AP2S1: variants seen among roughly 807,000 people sequenced by gnomAD.
The protein encoded by AP2S1 is AP-2 complex subunit sigma.
Under a neutral mutation model 21.0 loss-of-function variants are expected in AP2S1, and 6 were observed. That is an observed-to-expected ratio of 0.29 (90% CI 0.16 to 0.56). AP2S1 has a LOEUF of 0.56. Among genes scored for constraint, AP2S1 ranks in the 20% least tolerant of loss-of-function variants. The pLI, the probability that AP2S1 is intolerant of heterozygous loss-of-function variation, is 0.92. For missense variants in AP2S1, 60 were observed against 186.2 expected (o/e 0.32, Z 3.95); for synonymous variants, 63 against 74.6 (o/e 0.84, Z 0.80).
At chr19:46,843,351 A>G (rs1183792167) in intron 2 of AP2S1, among the ~76,000 whole-genome samples, 2 of 152,182 alleles carry the variant, frequency 1.3e-5, no homozygotes, top group Non-Finnish European at 2.9e-5. Context: ...AAGTCGGCCA[A>G]TGGCCATGCT....
intron 3 of AP2S1, among the ~76,000 whole-genome samples, 170 bp downstream of exon 3, chr19:46,839,295 A>AG (rs2055469493): frequency 2.1e-5 from 1 of 46,976 alleles, no homozygotes; most frequent in Non-Finnish European, 4.2e-5. Context: ...TCAAAAAAAA[A>AG]AAAAAAAAAA....
chr19:46,845,253 A>G lies in AP2S1; in HGVS notation c.153+740T>C, dbSNP rs1374055834. Among the ~76,000 whole-genome samples, 3 of 151,470 alleles carry G rather than the reference A, an allele frequency of 2.0e-5. No individual in the cohort carries two copies. The East Asian group carries it at 5.8e-4, about 29-fold the overall frequency. On this transcript the variant is annotated intron_variant, in intron 2 of 4. Coordinates refer to ENST00000263270, the MANE Select transcript of AP2S1 (RefSeq NM_004069.6). ...GAAACCTCGTCTCTACCAAAAATAC[A>G]AAATTAGCCTGGTGTTGTGGTGCAC... is the stretch of plus-strand genomic sequence containing the variant.
Position 46,846,224 on chromosome 19 carries a change from AC to A in AP2S1, c.4-83del, listed in dbSNP as rs923682742. The stretch of plus-strand genomic sequence containing the variant: ...TGCTGCCCAACGGCCCCACCCATCC[AC>A]CCAGAGGGGAGATAGGGCTCAGGGC... On this transcript the variant is annotated intron_variant, in intron 1 of 4. Coordinates refer to ENST00000263270, the MANE Select transcript of AP2S1 (RefSeq NM_004069.6). 1.9e-6 allele frequency: 3 copies of A among 1,551,426 alleles called. No individual in the cohort carries two copies. The African/African-American group carries it at 4.1e-5, about 21-fold the overall frequency.
intron 3 of AP2S1, 41 bp downstream of exon 3, chr19:46,839,424 G>GA: frequency 6.0e-6 from 9 of 1,504,484 alleles, no homozygotes; most frequent in South Asian, 3.4e-5. Flanking sequence ...CTCCAGGGCT[G>GA]CCCACCCGCC....
chr19:46,840,602 T>C (rs1303822009), intron 2 of AP2S1, among the ~76,000 whole-genome samples: 2 of 151,518 alleles, frequency 1.3e-5, no homozygotes, highest in Admixed American at 6.6e-5. Context: ...TTCCCATCAC[T>C]GCACTCCAGC....
intron 2 of AP2S1, 61 bp from the exon 3 acceptor site, chr19:46,839,639 T>C (rs2055481636): frequency 6.2e-7 from 1 of 1,611,232 alleles, no homozygotes; most frequent in African/African-American, 1.3e-5. Flanking sequence ...CCAGACAGAG[T>C]GGGGCCAAAA....
intron 2 of AP2S1, among the ~76,000 whole-genome samples, chr19:46,840,367 C>CAT (rs1555748943): frequency 2.0e-5 from 2 of 100,426 alleles, no homozygotes; most frequent in African/African-American, 7.2e-5. Flanking sequence ...AGGTTCATTA[C>CAT]AAAAAAAAAA....
intron 2 of AP2S1, 74 bp from the exon 3 acceptor site, chr19:46,839,652 T>C (rs773003539): frequency 1.2e-6 from 2 of 1,602,258 alleles, no homozygotes; most frequent in Admixed American, 3.4e-5. Context: ...GGCCAAAACA[T>C]TCACTCCTTC....
At position 46,838,907 on chromosome 19, in the gene AP2S1, G is replaced by C. The variant is rs1185899559; in HGVS notation, c.268-108C>G. The C allele has an allele frequency of 2.2e-6, 2 of 896,176 alleles. No individual in the cohort carries two copies. The highest frequency in any genetic ancestry group is 3.6e-6 in the Non-Finnish European group (2 of 560,148). The allele number at this position is 896,176 out of a possible 1,614,324, so 55.5% of individuals were successfully genotyped here. The stretch of plus-strand genomic sequence containing the variant: ...AGAGACAGCAAAAAAAGAGACCAAG[G>C]GGGAGGCAGGGGAGAGAGAGAGACA... On this transcript the variant is annotated intron_variant, in intron 3 of 4. Transcript: ENST00000263270. The surrounding 1 kb of genome is among the most constrained non-coding windows in gnomAD (Gnocchi z 4.1).
At chr19:46,841,906 C>T (rs953516995) in intron 2 of AP2S1, among the ~76,000 whole-genome samples, 4 of 152,116 alleles carry the variant, frequency 2.6e-5, no homozygotes, top group Admixed American at 6.6e-5. Context: ...AGAGATTGGA[C>T]GACGGCCAGG....
intron 1 of AP2S1, 120 bp downstream of exon 1, chr19:46,850,644 C>T (rs748955699): frequency 1.0e-5 from 10 of 972,084 alleles, no homozygotes; most frequent in South Asian, 2.8e-5. Context: ...ATCCCCAGAG[C>T]CCGCGCCTGA....
intron 3 of AP2S1, among the ~76,000 whole-genome samples, chr19:46,839,195 G>A: frequency 7.0e-6 from 1 of 143,170 alleles, no homozygotes; most frequent in Non-Finnish European, 1.5e-5. Context: ...GCTGAGGCAG[G>A]AGAATCACTT....
intron 2 of AP2S1, chr19:46,845,668 C>A (rs544182127): frequency 4.9e-5 from 9 of 183,106 alleles, no homozygotes; most frequent in South Asian, 1.7e-4. Flanking sequence ...AAAAAAAATT[C>A]TTTTTTAATC....
chr19:46,849,299 C>A (rs1359331747), intron 1 of AP2S1, among the ~76,000 whole-genome samples: 1 of 150,716 alleles, frequency 6.6e-6, no homozygotes, highest in African/African-American at 2.4e-5. Context: ...AGTCACCGCC[C>A]CAGCCTGAGA....
intron 1 of AP2S1, among the ~76,000 whole-genome samples, chr19:46,846,507 C>T (rs1163814884): frequency 1.4e-5 from 2 of 142,672 alleles, no homozygotes; most frequent in Non-Finnish European, 3.0e-5. Context: ...AACTCCTGGA[C>T]TCAAGCAATT....
Position 46,838,899 on chromosome 19 carries a change from A to T in AP2S1, c.268-100T>A. 9.2e-7 allele frequency: 1 copy of T among 1,090,934 alleles called. No homozygotes were observed. Among genetic ancestry groups the T allele is most frequent in the Non-Finnish European group, 1.4e-6 (1 of 725,608 alleles). The allele number at this position is 1,090,934 out of a possible 1,614,324, so 67.6% of individuals were successfully genotyped here. Reference sequence around the variant, plus strand: ...CATCAGAAAGAGACAGCAAAAAAAGAGACCAAGGGGGAGGCAGGGGAGAGA... The same window carrying T: ...CATCAGAAAGAGACAGCAAAAAAAGTGACCAAGGGGGAGGCAGGGGAGAGA... On this transcript the variant is annotated intron_variant, in intron 3 of 4. Coordinates refer to ENST00000263270, the MANE Select transcript of AP2S1 (RefSeq NM_004069.6). This position sits in a 1 kb window ranked among gnomAD's most constrained non-coding sequence, Gnocchi z 4.1.
At chr19:46,849,470 G>C (rs913168948) in intron 1 of AP2S1, among the ~76,000 whole-genome samples, 6 of 152,110 alleles carry the variant, frequency 3.9e-5, no homozygotes, top group African/African-American at 7.2e-5. Context: ...AGGGACGTTG[G>C]GGGGCCTACA....
intron 2 of AP2S1, among the ~76,000 whole-genome samples, chr19:46,844,844 G>A (rs2055595551): frequency 6.6e-6 from 1 of 152,106 alleles, no homozygotes; most frequent in Non-Finnish European, 1.5e-5. Flanking sequence ...GCTCACGCCT[G>A]TAATCCCAGC....
At chr19:46,850,594 AC>A in intron 1 of AP2S1, 169 bp downstream of exon 1, 2 of 663,920 alleles carry the variant, frequency 3.0e-6, no homozygotes. Context: ...GCGCAGAATC[AC>A]CGCCCTGTGC....
Sources: allele counts gnomAD v4.1 joint callset (sites outside exome capture counted in the v4.1 genomes callset), GRCh38; gene constraint gnomAD v4.1.1; non-coding constraint Gnocchi (gnomAD v3.1); transcripts MANE v1.5; gene names NCBI Gene and HGNC (gene_info 2026-07-23, HGNC 2026-07-21).